The following LINGO2 variants were observed in gnomAD, a reference collection of about 807,000 sequenced individuals.
The protein encoded by LINGO2 is leucine-rich repeat and immunoglobulin-like domain-containing nogo receptor-interacting protein 2.
A neutral mutation model predicts 30.6 loss-of-function variants in LINGO2; 14 were observed. That is an observed-to-expected ratio of 0.46 (90% CI 0.30 to 0.72). The LOEUF (loss-of-function observed/expected upper bound fraction) is 0.72. LINGO2 is among the 30% of genes least tolerant of loss of function. The pLI, the probability that LINGO2 is intolerant of heterozygous loss-of-function variation, is 0.07. For synonymous variants in LINGO2, 317 were observed against 288.5 expected, an observed-to-expected ratio of 1.10 and a Z score of -1.00; for missense variants, 729 against 751.7, an observed-to-expected ratio of 0.97 and a Z score of 0.35.
At chr9:29,160,124 C>T in the LINGO2 span, among the ~76,000 whole-genome samples, 6 of 152,274 alleles carry the variant, frequency 3.9e-5, no homozygotes, top group Admixed American at 2.6e-4. Flanking sequence ...TGGGCCCCCA[C>T]CTCTAGAGTT....
the LINGO2 span, among the ~76,000 whole-genome samples, chr9:28,993,569 A>C: frequency 6.6e-6 from 1 of 151,366 alleles, no homozygotes; most frequent in East Asian, 2.0e-4. Context: ...ACCAAAAAAG[A>C]GAATTTTAGA....
intron 4 of LINGO2, among the ~76,000 whole-genome samples, chr9:28,259,057 T>G (rs1026221869): frequency 2.6e-5 from 4 of 152,016 alleles, no homozygotes; most frequent in African/African-American, 9.7e-5. Context: ...TCTCCAGAAT[T>G]AGTCTGTTTG....
At chr9:28,803,586 T>C in the LINGO2 span, among the ~76,000 whole-genome samples, 1 of 151,938 alleles carries the variant, frequency 6.6e-6, no homozygotes, top group Non-Finnish European at 1.5e-5. Flanking sequence ...AAAATCACGA[T>C]GCTTTAACTT....
At chr9:28,790,697 G>A in the LINGO2 span, among the ~76,000 whole-genome samples, 7 of 152,044 alleles carry the variant, frequency 4.6e-5, no homozygotes, top group Non-Finnish European at 2.9e-5. Context: ...AGTGAATACA[G>A]TGAATTTTGA....
At chr9:28,086,632 G>A (rs1825923410) in intron 4 of LINGO2, among the ~76,000 whole-genome samples, 1 of 151,416 alleles carries the variant, frequency 6.6e-6, no homozygotes, top group African/African-American at 2.4e-5. Flanking sequence ...ATATATGTCA[G>A]AAAACGGTCT....
At chr9:28,634,158 G>A (rs1352571036) in intron 1 of LINGO2, among the ~76,000 whole-genome samples, 2 of 152,094 alleles carry the variant, frequency 1.3e-5, no homozygotes, top group Non-Finnish European at 2.9e-5. Context: ...TTACATTTAG[G>A]TCTTACTAGT....
chr9:29,191,143 T>C, the LINGO2 span, among the ~76,000 whole-genome samples: 1 of 152,176 alleles, frequency 6.6e-6, no homozygotes, highest in Non-Finnish European at 1.5e-5. Flanking sequence ...ATCACATTCT[T>C]AGTCAATAAG....
At chr9:28,764,939 C>T in the LINGO2 span, among the ~76,000 whole-genome samples, 3 of 151,592 alleles carry the variant, frequency 2.0e-5, no homozygotes, top group Admixed American at 1.3e-4. Flanking sequence ...TAAATTTAAC[C>T]GAGGATGTGA....
In LINGO2 at chr9:28,295,207, C is replaced by A. The variant is rs1169939442; in HGVS notation, c.-87+1G>T. 1 of 152,578 alleles carries A rather than the reference C, an allele frequency of 6.6e-6. No homozygotes were observed. The highest frequency in any genetic ancestry group is 1.5e-5 in the Non-Finnish European group (1 of 68,034). The allele number at this position is 152,578 out of a possible 1,614,324, so 9.5% of individuals were successfully genotyped here. On this transcript the variant is annotated splice_donor_variant, in intron 4 of 5. Coordinates refer to ENST00000379992, the Ensembl canonical transcript of LINGO2. LOFTEE classifies it low-confidence loss of function (5UTR_SPLICE). ...GATCAGATGTCTCCCTCGAACCTTA[C>A]CTGGTTTACTCTTTTGAAAAATCCA...
the LINGO2 span, among the ~76,000 whole-genome samples, chr9:28,704,759 C>T: frequency 6.6e-6 from 1 of 151,960 alleles, no homozygotes; most frequent in Non-Finnish European, 1.5e-5. Context: ...TTGATTCTTT[C>T]TTAGAATTTC....
chr9:27,938,312 A>G, the LINGO2 span: 2 of 151,890 alleles, frequency 1.3e-5, no homozygotes, highest in East Asian at 4.0e-4. Flanking sequence ...CTCCCAGGGA[A>G]AGCAGGGTTC....
In LINGO2 at chr9:28,147,846, C is replaced by T. The variant is rs1011266438; in HGVS notation, c.-86-135441G>A. ...TGGGCTCCTAAGCACTCCTCCACAC[C>T]CTGGCTCTGTCACCAGCCCCATAGT... On this transcript the variant is annotated intron_variant, in intron 4 of 5. Coordinates refer to ENST00000379992, the Ensembl canonical transcript of LINGO2. This position sits in a 1 kb window ranked among gnomAD's most constrained non-coding sequence, Gnocchi z 4.7. 2.0e-5 allele frequency among the ~76,000 whole-genome samples: 3 copies of T among 152,148 alleles called. No individual in the cohort carries two copies. The highest frequency in any genetic ancestry group is 7.2e-5 in the African/African-American group (3 of 41,436).
the LINGO2 span, among the ~76,000 whole-genome samples, chr9:29,186,426 G>A: frequency 2.6e-5 from 4 of 152,022 alleles, no homozygotes; most frequent in African/African-American, 9.7e-5. Flanking sequence ...TATAGAACCA[G>A]GGATTAATAT....
chr9:29,081,106 T>G, the LINGO2 span, among the ~76,000 whole-genome samples: 1 of 152,102 alleles, frequency 6.6e-6, no homozygotes, highest in African/African-American at 2.4e-5. Flanking sequence ...TACCAAAGCC[T>G]GGCAGAGACA....
At chr9:29,029,723 G>T in the LINGO2 span, among the ~76,000 whole-genome samples, 1 of 152,080 alleles carries the variant, frequency 6.6e-6, no homozygotes, top group Non-Finnish European at 1.5e-5. Context: ...CAAGCCACCT[G>T]ATATGTTTAT....
the LINGO2 span, among the ~76,000 whole-genome samples, chr9:28,714,193 A>C: frequency 2.0e-5 from 2 of 101,162 alleles, no homozygotes; most frequent in African/African-American, 1.1e-4. Context: ...ATATATACAC[A>C]CATACACACA....
intron 1 of LINGO2, among the ~76,000 whole-genome samples, chr9:28,633,884 C>T (rs976800187): frequency 6.6e-6 from 1 of 152,102 alleles, no homozygotes; most frequent in African/African-American, 2.4e-5. Flanking sequence ...AATTTTGCCT[C>T]AAAATTTCGA....
At chr9:29,009,179 G>C in the LINGO2 span, among the ~76,000 whole-genome samples, 2 of 152,070 alleles carry the variant, frequency 1.3e-5, no homozygotes, top group Non-Finnish European at 1.5e-5. Context: ...GGAAGTTCTG[G>C]CCAGGGCAAT....
intron 2 of LINGO2, among the ~76,000 whole-genome samples, chr9:28,465,990 G>C (rs570340283): frequency 4.5e-4 from 68 of 152,122 alleles, no homozygotes; most frequent in Non-Finnish European, 9.0e-4. Context: ...GCAGAAAAGG[G>C]AACCACTGTG....
Sources: gnomAD v4.1 joint callset for allele counts (sites outside exome capture counted in the v4.1 genomes callset) on GRCh38, gnomAD v4.1.1 for gene constraint, Gnocchi (gnomAD v3.1) non-coding constraint, MANE v1.5 for transcripts, NCBI Gene and HGNC (gene_info 2026-07-23, HGNC 2026-07-21) for gene names.